KIF14: variants seen among roughly 807,000 people sequenced by gnomAD.
KIF14 encodes the protein kinesin-like protein KIF14.
Under a neutral mutation model 176.2 loss-of-function variants are expected in KIF14, and 98 were observed. The observed-to-expected ratio is 0.56, with a 90% CI of 0.47 to 0.66. The LOEUF (loss-of-function observed/expected upper bound fraction) is 0.66. Ranked by LOEUF, KIF14 falls within the 30% of genes least tolerant of loss-of-function variation. The pLI, the probability that KIF14 is intolerant of heterozygous loss-of-function variation, is 0.00. For synonymous variants in KIF14, 566 were observed against 632.2 expected (o/e 0.90, Z 1.57); for missense variants, 1,751 against 1,920.4 (o/e 0.91, Z 1.65).
chr1:200,584,271 C>T (rs1044846238), intron 19 of KIF14, among the ~76,000 whole-genome samples: 9 of 150,538 alleles, frequency 6.0e-5, no homozygotes, highest in East Asian at 3.9e-4. Flanking sequence ...TGAAGTCTAC[C>T]GAACAATTAA....
intron 5 of KIF14, among the ~76,000 whole-genome samples, chr1:200,608,321 T>C (rs1471270934): frequency 1.3e-5 from 2 of 151,958 alleles, no homozygotes; most frequent in Admixed American, 6.6e-5. Flanking sequence ...AGGTTAAATC[T>C]GATAACTAAT....
intron 19 of KIF14, among the ~76,000 whole-genome samples, chr1:200,583,856 C>T (rs111593980): frequency 6.6e-6 from 1 of 151,752 alleles, no homozygotes; most frequent in Non-Finnish European, 1.5e-5. Context: ...GCAGGAGAAT[C>T]GCTTGAGCCT....
Position 200,552,511 on chromosome 1 carries a change from AAAT to A in KIF14, c.*874_*876del, listed in dbSNP as rs1180575458. On this transcript the variant is annotated 3_prime_UTR_variant, in exon 30 of 30. Coordinates refer to ENST00000367350, the MANE Select transcript of KIF14 (RefSeq NM_014875.3). Reference sequence around the variant, plus strand: ...ATTCTGGCAACATTTTATTAGTTTTAAATAATATTCATACAGCCCCCATTATGA... The same window carrying A: ...ATTCTGGCAACATTTTATTAGTTTTAAATATTCATACAGCCCCCATTATGA... 6.6e-6 allele frequency: 1 copy of A among 152,158 alleles called. No individual in the cohort carries two copies. Among genetic ancestry groups the A allele is most frequent in the African/African-American group, 2.4e-5 (1 of 41,452 alleles). The allele number at this position is 152,158 out of a possible 1,614,324, so 9.4% of individuals were successfully genotyped here.
intron 13 of KIF14, 38 bp downstream of exon 13, chr1:200,600,007 ATTTCT>A (rs752497695): frequency 1.3e-5 from 15 of 1,167,472 alleles, no homozygotes; most frequent in Admixed American, 6.4e-5. Flanking sequence ...TTCTTGGCAT[ATTTCT>A]TTTATTTTCT....
At chr1:200,598,533 C>T in intron 13 of KIF14, 112 bp from the exon 14 acceptor site, 2 of 631,140 alleles carry the variant, frequency 3.2e-6, no homozygotes, top group Non-Finnish European at 5.0e-6. Context: ...TGAAGTCTCA[C>T]TAAATTAAAG....
At chr1:200,610,986 G>T (rs1249722262) in intron 4 of KIF14, among the ~76,000 whole-genome samples, 2 of 152,152 alleles carry the variant, frequency 1.3e-5, no homozygotes, top group African/African-American at 4.8e-5. Context: ...TGGTAAGATG[G>T]AACCTTAAAT....
chr1:200,554,537 C>A lies in KIF14; in HGVS notation c.4498G>T (p.Ala1500Ser), dbSNP rs776757266. 24 of 1,552,920 alleles carry A rather than the reference C, an allele frequency of 1.5e-5. No homozygotes were observed. In the African/African-American group the frequency reaches 3.0e-4, roughly 19 times the overall value. Residue 1500 changes from alanine to serine, a missense_variant, in exon 29 of 30, where the codon GCT (alanine) becomes TCT (serine). Transcript: ENST00000367350. ...TGTTTTAACTTTAAGAATTCTGGAG[C>A]ACGATTAACCATCCTCTTGAAATCT... is the stretch of plus-strand genomic sequence containing the variant. The part of the protein sequence containing the change: ...YQDFKRMVNR[A>S]PEFLKLKHCL...
Position 200,618,596 on chromosome 1 carries a change from T to G in KIF14, c.128A>C (p.Asp43Ala). The change falls in exon 2 of 30, where the codon GAT (aspartate) becomes GCT (alanine). Residue 43 changes from aspartate to alanine, a missense_variant. Asp to Ala is a moderately radical substitution (Grantham distance 126). Coordinates refer to ENST00000367350, the MANE Select transcript of KIF14 (RefSeq NM_014875.3). ...SSRLKLHLKS[D>A]MSECENDDPL... ...ATCATCATTTTCACATTCTGACATATCCGACTTCAAATGCAGCTTAAGTCG... is the reference window on the plus strand; with the variant it reads ...ATCATCATTTTCACATTCTGACATAGCCGACTTCAAATGCAGCTTAAGTCG... 1 of 1,614,146 alleles carries G rather than the reference T, an allele frequency of 6.2e-7. No homozygotes were observed. The highest frequency in any genetic ancestry group is 8.5e-7 in the Non-Finnish European group (1 of 1,180,022).
At chr1:200,602,092 C>A (rs776167763) in intron 10 of KIF14, 24 bp from the exon 11 acceptor site, 15 of 1,601,932 alleles carry the variant, frequency 9.4e-6, no homozygotes, top group Non-Finnish European at 1.3e-5. Flanking sequence ...AGTCATAAGA[C>A]TTTGCTTCTA....
intron 14 of KIF14, among the ~76,000 whole-genome samples, chr1:200,596,106 T>C (rs1659325009): frequency 6.6e-6 from 1 of 151,656 alleles, no homozygotes; most frequent in African/African-American, 2.4e-5. Flanking sequence ...ATACAACAAT[T>C]AGCCAGGCGT....
chr1:200,596,042 G>C (rs1191119530), intron 14 of KIF14, among the ~76,000 whole-genome samples: 2 of 151,892 alleles, frequency 1.3e-5, no homozygotes, highest in Non-Finnish European at 2.9e-5. Context: ...ATCACCTGAG[G>C]TGGGAGTTTG....
chr1:200,565,129 A>G lies in KIF14; in HGVS notation c.4011T>C (p.Leu1337=). 1 of 1,613,790 alleles carries G rather than the reference A, an allele frequency of 6.2e-7. No individual in the cohort carries two copies. Among genetic ancestry groups the G allele is most frequent in the Non-Finnish European group, 8.5e-7 (1 of 1,179,822 alleles). Reference sequence around the variant, plus strand: ...TAACTTCTTGTCTCAACTCATCCTCAAGTCTTGCTATGTTGGTACAAGGCA... The same window carrying G: ...TAACTTCTTGTCTCAACTCATCCTCGAGTCTTGCTATGTTGGTACAAGGCA... ...DLLPCTNIAR[L]EDELRQEVKK... The change falls in exon 25 of 30, where the codon CTT becomes CTC. Residue 1337 remains leucine (L), a synonymous_variant. Transcript: ENST00000367350.
chr1:200,560,689 T>A, intron 26 of KIF14, 33 bp downstream of exon 26: 2 of 1,607,782 alleles, frequency 1.2e-6, no homozygotes, highest in African/African-American at 1.3e-5. Flanking sequence ...TTCCCTCAGA[T>A]GAAGTCTGTC....
intron 22 of KIF14, 51 bp downstream of exon 22, chr1:200,575,540 C>T: frequency 2.1e-6 from 2 of 940,282 alleles, no homozygotes; most frequent in Non-Finnish European, 3.3e-6. Context: ...CACACACACA[C>T]ACACATGCAC....
At chr1:200,566,287 T>C (rs930584109) in intron 23 of KIF14, among the ~76,000 whole-genome samples, 4 of 151,576 alleles carry the variant, frequency 2.6e-5, no homozygotes, top group Admixed American at 6.6e-5. Flanking sequence ...TTCTTTCTTT[T>C]TTTTTTTTTA....
Position 200,614,314 on chromosome 1 carries a change from A to G in KIF14, c.1455+4T>C, listed in dbSNP as rs781709014. ...AGAAGCTTGCAGGTATTATAAGAACATACCTCTTGGGTTTGTTTTCTGGCT... is the reference window on the plus strand; with the variant it reads ...AGAAGCTTGCAGGTATTATAAGAACGTACCTCTTGGGTTTGTTTTCTGGCT... On this transcript the variant is annotated splice_donor_region_variant and intron_variant, in intron 4 of 29. Coordinates refer to ENST00000367350, the MANE Select transcript of KIF14 (RefSeq NM_014875.3). The G allele has an allele frequency of 4.5e-6, 7 of 1,548,172 alleles. No homozygotes were observed. Among genetic ancestry groups the G allele is most frequent in the South Asian group, 3.4e-5 (3 of 88,740 alleles).
intron 4 of KIF14, among the ~76,000 whole-genome samples, chr1:200,609,644 A>G (rs2794408): frequency 0.94 from 143,303 of 152,100 alleles, 67,604 homozygotes; most frequent in Middle Eastern, 0.99. Flanking sequence ...GTGAGACTCC[A>G]TCTCAAAAAA....
chr1:200,588,301 C>A (rs1571517710), intron 18 of KIF14, among the ~76,000 whole-genome samples: 1 of 150,460 alleles, frequency 6.6e-6, no homozygotes, highest in South Asian at 2.1e-4. Context: ...AGTGCAGTGG[C>A]ATAATCTCAG....
rs1558045289 is a variant in KIF14 at position 200,560,824 on chromosome 1, T to C, written c.4128A>G (p.Gln1376=). 1 of 1,614,086 alleles carries C rather than the reference T, an allele frequency of 6.2e-7. No individual in the cohort carries two copies. The highest frequency in any genetic ancestry group is 1.7e-5 in the Admixed American group (1 of 60,024). ...CATACTTTACAGCTTGTTGTACAAT[T>C]TGGATTGCATTCTTTTGAGCCTCTT... is the stretch of plus-strand genomic sequence containing the variant. ...MIKEAQKNAI[Q]IVQQAVKYVG... The change falls in exon 26 of 30, where the codon CAA becomes CAG. Residue 1376 remains glutamine, a synonymous_variant. Transcript: ENST00000367350.
Sources: allele counts gnomAD v4.1 joint callset (sites outside exome capture counted in the v4.1 genomes callset), GRCh38; gene constraint gnomAD v4.1.1; transcripts MANE v1.5; gene names NCBI Gene and HGNC (gene_info 2026-07-23, HGNC 2026-07-21).